The following QKI variants were observed in gnomAD, a reference collection of about 807,000 sequenced individuals.
The protein encoded by QKI is QKI, KH domain containing RNA binding, also known as KH domain-containing RNA-binding protein QKI.
In QKI, 10 loss-of-function variants were observed where a neutral mutation model predicts 39.0. The ratio of observed to expected loss-of-function variants is 0.26; its 90% CI spans 0.16 to 0.43. QKI has a LOEUF of 0.43. QKI is among the 20% of genes least tolerant of loss of function. QKI has a pLI of 1.00. For synonymous variants in QKI, 204 were observed against 155.4 expected (o/e 1.31, Z -2.33); for missense variants, 218 against 428.0 (o/e 0.51, Z 4.33).
chr6:163,529,573 G>A (rs1054616068), intron 3 of QKI, among the ~76,000 whole-genome samples: 5 of 151,724 alleles, frequency 3.3e-5, no homozygotes, highest in Admixed American at 3.3e-4. Context: ...GGGAAAGGAG[G>A]CATTCTAGAC....
chr6:163,430,968 T>G (rs1356701702), intron 1 of QKI, among the ~76,000 whole-genome samples: 1 of 152,142 alleles, frequency 6.6e-6, no homozygotes, highest in Non-Finnish European at 1.5e-5. Context: ...TTAACTTGGT[T>G]TAACTGAGCA....
rs117359869 is a variant in QKI, at chr6:163,432,105, G to T, written c.142+16770G>T. Among the ~76,000 whole-genome samples, 31 of 152,154 alleles carry T rather than the reference G, an allele frequency of 2.0e-4. No homozygotes were observed. The East Asian group carries it at 5.8e-3, about 28-fold the overall frequency. On this transcript the variant is annotated intron_variant, in intron 1 of 7. Coordinates refer to ENST00000361752, the MANE Select transcript of QKI (RefSeq NM_006775.3). ...GTCATGACTGATAATTGTGTAATGT[G>T]GCTACCTTCTGTTGTGAATAGTCTT...
intron 1 of QKI, among the ~76,000 whole-genome samples, chr6:163,421,814 G>A (rs919444398): frequency 3.3e-5 from 5 of 150,584 alleles, no homozygotes; most frequent in African/African-American, 4.9e-5. Flanking sequence ...GCGTGCTCTC[G>A]GCTCACTGCA....
intron 1 of QKI, among the ~76,000 whole-genome samples, chr6:163,453,352 T>C (rs1311211088): frequency 1.3e-5 from 2 of 152,142 alleles, no homozygotes; most frequent in Non-Finnish European, 2.9e-5. Flanking sequence ...GGCTTTGATA[T>C]TAGTGTGGTG....
chr6:163,566,104 A>C, intron 6 of QKI: 2 of 1,478,722 alleles, frequency 1.4e-6, no homozygotes, highest in Non-Finnish European at 1.8e-6. Flanking sequence ...ACATAGATAT[A>C]AAGTAAAATT....
intron 4 of QKI, among the ~76,000 whole-genome samples, chr6:163,540,912 GTT>G (rs1234921139): frequency 6.6e-6 from 1 of 151,842 alleles, no homozygotes; most frequent in African/African-American, 2.4e-5. Flanking sequence ...TAGTTCTAGA[GTT>G]TTATCAATTT....
intron 3 of QKI, among the ~76,000 whole-genome samples, chr6:163,482,745 C>T (rs1793174164): frequency 6.6e-6 from 1 of 152,206 alleles, no homozygotes; most frequent in African/African-American, 2.4e-5. Flanking sequence ...CTCCAGTGTG[C>T]CACCCTCCAG....
chr6:163,537,160 T>G (rs1205994366), intron 4 of QKI, among the ~76,000 whole-genome samples: 1 of 152,170 alleles, frequency 6.6e-6, no homozygotes, highest in Admixed American at 6.5e-5. Flanking sequence ...ATAGCACCAC[T>G]GTACGCCAGC....
intron 1 of QKI, among the ~76,000 whole-genome samples, chr6:163,451,663 C>T (rs892819899): frequency 1.3e-5 from 2 of 152,048 alleles, no homozygotes; most frequent in South Asian, 4.1e-4. Flanking sequence ...TTGTACTATG[C>T]GTGATTAAGC....
In QKI at chr6:163,570,625, A is replaced by T. The variant is rs1783648874; in HGVS notation, c.1010-69A>T. On this transcript the variant is annotated intron_variant, in intron 7 of 7. Coordinates refer to ENST00000361752, the MANE Select transcript of QKI (RefSeq NM_006775.3). ...GTTGTCATTAAGCCGTCACTAGCTG[A>T]AACTAATCTCTTCTCTATCTTTTCT... is the stretch of plus-strand genomic sequence containing the variant. 27 of 1,594,704 alleles carry T rather than the reference A, an allele frequency of 1.7e-5. No homozygotes were observed. In the South Asian group the frequency reaches 2.9e-4, roughly 17 times the overall value.
chr6:163,534,093 A>G (rs1311253775), intron 3 of QKI, among the ~76,000 whole-genome samples: 5 of 152,054 alleles, frequency 3.3e-5, no homozygotes, highest in Non-Finnish European at 5.9e-5. Flanking sequence ...TACTACTTAT[A>G]TATTCTTATT....
intron 2 of QKI, among the ~76,000 whole-genome samples, chr6:163,459,115 G>GT (rs1791153631): frequency 6.6e-6 from 1 of 152,198 alleles, no homozygotes; most frequent in Non-Finnish European, 1.5e-5. Context: ...GGCTAACTGG[G>GT]TGGGTTTAGA....
At chr6:163,469,543 T>C (rs1015859486) in intron 2 of QKI, among the ~76,000 whole-genome samples, 1 of 152,188 alleles carries the variant, frequency 6.6e-6, no homozygotes, top group African/African-American at 2.4e-5. Flanking sequence ...CACAGACTTC[T>C]TGAGAGCAGA....
intron 3 of QKI, among the ~76,000 whole-genome samples, chr6:163,490,568 A>C (rs1000534296): frequency 6.6e-6 from 1 of 152,102 alleles, no homozygotes; most frequent in Admixed American, 6.6e-5. Flanking sequence ...GTATGTTGCT[A>C]TGTGGATGCT....
At chr6:163,461,187 G>A (rs1791323318) in intron 2 of QKI, among the ~76,000 whole-genome samples, 1 of 152,068 alleles carries the variant, frequency 6.6e-6, no homozygotes, top group African/African-American at 2.4e-5. Flanking sequence ...CTCTGTAAGG[G>A]TATATTTAGG....
rs552838168 is a variant in QKI at position 163,571,018 on chromosome 6, G to A, written c.*308G>A. On this transcript the variant is annotated 3_prime_UTR_variant, in exon 8 of 8. Transcript: ENST00000361752. ...CATCTTTTAATATCCCACCCTAAGC[G>A]AACGGTAAGAAGGCCTCTCTTAAGA... 4.3e-5 allele frequency: 10 copies of A among 230,234 alleles called. No homozygotes were observed. The East Asian group carries it at 8.7e-4, about 20-fold the overall frequency. 14.3% of individuals were successfully genotyped at this position (230,234 alleles called of 1,614,324 possible). A position where few individuals can be genotyped will look rare whatever the true frequency, so the allele number is the denominator to read the frequency against.
At chr6:163,548,133 A>G (rs1236980083) in intron 4 of QKI, among the ~76,000 whole-genome samples, 1 of 151,782 alleles carries the variant, frequency 6.6e-6, no homozygotes, top group Non-Finnish European at 1.5e-5. Context: ...AGTAGAATGC[A>G]TTGTCTATGA....
At chr6:163,538,918 C>T (rs573791505) in intron 4 of QKI, among the ~76,000 whole-genome samples, 1 of 152,086 alleles carries the variant, frequency 6.6e-6, no homozygotes, top group Admixed American at 6.5e-5. Context: ...GGAGGAAAGT[C>T]AAAAAATTGG....
At chr6:163,450,632 A>G (rs1790488428) in intron 1 of QKI, among the ~76,000 whole-genome samples, 1 of 152,166 alleles carries the variant, frequency 6.6e-6, no homozygotes, top group Admixed American at 6.5e-5. Context: ...TTAGTTTGGA[A>G]AAGAAAAAAA....
Sources: gnomAD v4.1 joint callset for allele counts (sites outside exome capture counted in the v4.1 genomes callset) on GRCh38, gnomAD v4.1.1 for gene constraint, MANE v1.5 for transcripts, NCBI Gene and HGNC (gene_info 2026-07-23, HGNC 2026-07-21) for gene names.